The following LTBP1 variants were observed in gnomAD, a reference collection of about 807,000 sequenced individuals.
LTBP1 encodes latent transforming growth factor beta binding protein 1.
In LTBP1, 129 loss-of-function variants were observed where a neutral mutation model predicts 207.6. That is an observed-to-expected ratio of 0.62 (90% CI 0.54 to 0.72). LTBP1 has a LOEUF of 0.72. Ranked by LOEUF, LTBP1 falls within the 30% of genes least tolerant of loss-of-function variation. The pLI, the probability that LTBP1 is intolerant of heterozygous loss-of-function variation, is 0.00. For missense variants in LTBP1, 2,281 were observed against 2,217.2 expected (o/e 1.03, Z -0.58); for synonymous variants, 963 against 833.7 (o/e 1.16, Z -2.67).
At position 33,380,636 on chromosome 2, in the gene LTBP1, C is replaced by T. The variant is rs543447425; in HGVS notation, c.4712-8548C>T. On this transcript the variant is annotated intron_variant, in intron 31 of 33. Coordinates refer to ENST00000404816, the MANE Select transcript of LTBP1 (RefSeq NM_206943.4). ...GCAAGCTAGAAAGGACCTTCGAGAT[C>T]ATCTAGTCTTATTGCCTCATTTTGC... Among the ~76,000 whole-genome samples the T allele has an allele frequency of 8.5e-5, 13 of 152,220 alleles. No individual in the cohort carries two copies. In the East Asian group the frequency reaches 2.3e-3, roughly 27 times the overall value.
intron 33 of LTBP1, among the ~76,000 whole-genome samples, chr2:33,397,818 G>C (rs1458732415): frequency 6.6e-6 from 1 of 151,796 alleles, no homozygotes; most frequent in Non-Finnish European, 1.5e-5. Context: ...CACCACGCCT[G>C]GCCTCTTCTC....
intron 5 of LTBP1, among the ~76,000 whole-genome samples, chr2:33,148,000 G>C (rs2083192246): frequency 6.6e-6 from 1 of 152,194 alleles, no homozygotes; most frequent in African/African-American, 2.4e-5. Flanking sequence ...TCAGCTTTGG[G>C]ATGTAGCCCA....
rs185217377 is a variant in LTBP1, at chr2:33,271,545, C to G, written c.2618-2111C>G. On this transcript the variant is annotated intron_variant, in intron 15 of 33. Transcript: ENST00000404816. ...CATGAGTATAACCTGGTGAAGATTA[C>G]CTTTTACCTTCAGATTTTAGGTACA... Among the ~76,000 whole-genome samples, 166 of 151,344 alleles carry G rather than the reference C, an allele frequency of 1.1e-3. 2 individuals carry two copies. Among genetic ancestry groups the G allele is most frequent in the African/African-American group, 3.8e-3 (157 of 41,318 alleles).
chr2:33,018,845 G>A lies in LTBP1; in HGVS notation c.566-2064G>A, dbSNP rs891646046. On this transcript the variant is annotated intron_variant, in intron 2 of 33. Coordinates refer to ENST00000404816, the MANE Select transcript of LTBP1 (RefSeq NM_206943.4). ...GCCAGGGTTAAGTGGCTTACTCCAA[G>A]GTCACCTAGGGAGCTGGCTCCATTT... Among the ~76,000 whole-genome samples, 64 of 151,932 alleles carry A rather than the reference G, an allele frequency of 4.2e-4. 1 individual carries two copies. Among genetic ancestry groups the A allele is most frequent in the African/African-American group, 1.5e-3 (61 of 41,414 alleles).
intron 2 of LTBP1, among the ~76,000 whole-genome samples, chr2:32,971,487 T>C (rs113909109): frequency 1.2e-4 from 19 of 152,244 alleles, no homozygotes; most frequent in African/African-American, 4.6e-4. Context: ...TTATTGAGGG[T>C]TTTTTTCAAA....
chr2:33,229,838 A>G (rs1350866360), intron 9 of LTBP1, among the ~76,000 whole-genome samples: 1 of 152,250 alleles, frequency 6.6e-6, no homozygotes, highest in Non-Finnish European at 1.5e-5. Flanking sequence ...TTTGTAAAGC[A>G]GTGTTATACT....
chr2:33,070,617 A>G (rs571122724), intron 3 of LTBP1, among the ~76,000 whole-genome samples: 2 of 152,346 alleles, frequency 1.3e-5, no homozygotes, highest in Non-Finnish European at 2.9e-5. Context: ...GGCCACACCT[A>G]ATTTACAAGA....
chr2:33,132,618 A>G (rs1421266931), intron 4 of LTBP1, among the ~76,000 whole-genome samples: 4 of 152,188 alleles, frequency 2.6e-5, no homozygotes, highest in East Asian at 3.9e-4. Context: ...ATTGGATGTC[A>G]TTTTGCAAGG....
intron 3 of LTBP1, among the ~76,000 whole-genome samples, chr2:33,066,586 T>A (rs1306808791): frequency 1.3e-5 from 2 of 152,190 alleles, no homozygotes; most frequent in East Asian, 3.8e-4. Context: ...AAGCATTGTG[T>A]TTATTATGTA....
At chr2:33,165,926 C>T (rs1172319951) in intron 5 of LTBP1, among the ~76,000 whole-genome samples, 2 of 152,078 alleles carry the variant, frequency 1.3e-5, no homozygotes, top group Non-Finnish European at 1.5e-5. Context: ...TGGTATGGAG[C>T]CTATTAGTAC....
rs1277746489 is a variant in LTBP1, at chr2:33,360,676, T to C, written c.4080T>C (p.Asp1360=). Residue 1360 remains aspartate, a synonymous_variant, in exon 27 of 34, where the codon GAT becomes GAC. Coordinates refer to ENST00000404816, the MANE Select transcript of LTBP1 (RefSeq NM_206943.4). The part of the protein sequence containing the change: ...YYNLNDASLC[D]NVLAPNVTKQ... ...ATCTCAATGACGCCAGTCTCTGTGATAATGTGTTGGCCCCCAATGTCACGA... is the reference window on the plus strand; with the variant it reads ...ATCTCAATGACGCCAGTCTCTGTGACAATGTGTTGGCCCCCAATGTCACGA... 1 of 1,613,648 alleles carries C rather than the reference T, an allele frequency of 6.2e-7. No homozygotes were observed. Among genetic ancestry groups the C allele is most frequent in the Admixed American group, 1.7e-5 (1 of 60,022 alleles).
At chr2:33,391,496 C>T (rs752206993) in intron 32 of LTBP1, among the ~76,000 whole-genome samples, 9 of 152,152 alleles carry the variant, frequency 5.9e-5, no homozygotes, top group Non-Finnish European at 1.0e-4. Context: ...CAGCTTGCCC[C>T]ATTAATCAGG....
intron 25 of LTBP1, among the ~76,000 whole-genome samples, chr2:33,344,367 T>C (rs553044508): frequency 6.6e-6 from 1 of 152,184 alleles, no homozygotes; most frequent in African/African-American, 2.4e-5. Context: ...ACCAGTTGGG[T>C]CTTGTGATGT....
At chr2:33,024,744 A>G (rs2075333903) in intron 3 of LTBP1, among the ~76,000 whole-genome samples, 1 of 152,192 alleles carries the variant, frequency 6.6e-6, no homozygotes, top group South Asian at 2.1e-4. Context: ...GGGTGTATCC[A>G]GGGGAGGCAA....
intron 3 of LTBP1, among the ~76,000 whole-genome samples, chr2:33,095,443 A>C (rs750432374): frequency 2.6e-5 from 4 of 152,226 alleles, no homozygotes; most frequent in Non-Finnish European, 5.9e-5. Flanking sequence ...GAGGAAAGAT[A>C]ATTTGGAGTT....
intron 3 of LTBP1, among the ~76,000 whole-genome samples, chr2:33,065,022 A>T (rs758660537): frequency 2.6e-5 from 4 of 152,188 alleles, no homozygotes; most frequent in Non-Finnish European, 5.9e-5. Context: ...AATCAGTATA[A>T]TACATTAACA....
chr2:33,175,908 G>A (rs1380896333), intron 5 of LTBP1, among the ~76,000 whole-genome samples: 1 of 114,620 alleles, frequency 8.7e-6, no homozygotes, highest in Non-Finnish European at 1.8e-5. Flanking sequence ...CGCAAGAACA[G>A]AAAACCAGAC....
chr2:33,254,558 T>G (rs560673392), intron 11 of LTBP1, among the ~76,000 whole-genome samples: 16 of 148,718 alleles, frequency 1.1e-4, no homozygotes, highest in African/African-American at 1.5e-4. Flanking sequence ...GGTTTTTTTT[T>G]TTTTTTTTTT....
intron 9 of LTBP1, among the ~76,000 whole-genome samples, chr2:33,229,407 G>C (rs62146735): frequency 0.014 from 2,186 of 152,158 alleles, 17 homozygotes; most frequent in Non-Finnish European, 0.022. Flanking sequence ...CCGGGAGTTC[G>C]AGGCTGCAGT....
Sources: allele counts gnomAD v4.1 joint callset (sites outside exome capture counted in the v4.1 genomes callset), GRCh38; gene constraint gnomAD v4.1.1; transcripts MANE v1.5; gene names NCBI Gene and HGNC (gene_info 2026-07-23, HGNC 2026-07-21).